Variants in NCOA2 observed in about 807,000 individuals in gnomAD.
NCOA2 encodes the protein nuclear receptor coactivator 2, also known as class E basic helix-loop-helix protein 75.
NCOA2 carries 21 observed loss-of-function variants against 145.1 expected under a neutral mutation model. The observed-to-expected ratio is 0.14, with a 90% CI of 0.10 to 0.21. NCOA2 has a LOEUF of 0.21. NCOA2 is among the 10% of genes least tolerant of loss of function. The pLI, the probability that NCOA2 is intolerant of heterozygous loss-of-function variation, is 1.00. For missense variants in NCOA2, 1,472 were observed against 1,837.6 expected, an observed-to-expected ratio of 0.80 and a Z score of 3.64; for synonymous variants, 619 against 637.5, an observed-to-expected ratio of 0.97 and a Z score of 0.44.
chr8:70,221,575 A>C (rs1820139589), intron 2 of NCOA2, among the ~76,000 whole-genome samples: 1 of 152,234 alleles, frequency 6.6e-6, no homozygotes, highest in Non-Finnish European at 1.5e-5. Flanking sequence ...TTGGGAAGTC[A>C]GTAAGATGAT....
intron 2 of NCOA2, chr8:70,245,462 A>G (rs970121927): frequency 6.6e-6 from 1 of 152,082 alleles, no homozygotes; most frequent in African/African-American, 2.4e-5. Context: ...TTATGATAAT[A>G]GACTGAGTAA....
chr8:70,157,227 A>G lies in NCOA2; in HGVS notation c.1138T>C (p.Cys380Arg). 6.4e-7 allele frequency: 1 copy of G among 1,551,512 alleles called. No individual in the cohort carries two copies. Among genetic ancestry groups the G allele is most frequent in the South Asian group, 1.2e-5 (1 of 81,706 alleles). Residue 380 changes from cysteine (C) to arginine (R), a missense_variant, in exon 11 of 23, where the codon TGT (cysteine) becomes CGT (arginine). Cys to Arg is a radical substitution (Grantham distance 180, BLOSUM62 -3). Coordinates refer to ENST00000452400, the MANE Select transcript of NCOA2 (RefSeq NM_006540.4). The stretch of plus-strand genomic sequence containing the variant: ...CCAGTCAGATCCGGATTCATCACAC[A>G]CACATTCTGCTCTCTGTATAACGAG... ...LHMLHREQNV[C>R]VMNPDLTGQT...
Position 70,111,745 on chromosome 8 carries a change from A to AT in NCOA2, c.*1886dup, listed in dbSNP as rs1197382858. The AT allele has an allele frequency of 4.6e-6, 1 of 218,006 alleles. No homozygotes were observed. The highest frequency in any genetic ancestry group is 2.2e-5 in the African/African-American group (1 of 44,498). 13.5% of individuals were successfully genotyped at this position (218,006 alleles called of 1,614,324 possible). On this transcript the variant is annotated 3_prime_UTR_variant, in exon 23 of 23. Transcript: ENST00000452400. The stretch of plus-strand genomic sequence containing the variant: ...ATAATGCGTACATATAGAGAGAGAT[A>AT]TAAGTATAAATAGGGGTAGTTTGTA...
At chr8:70,197,747 G>A (rs146193741) in intron 4 of NCOA2, among the ~76,000 whole-genome samples, 7 of 151,942 alleles carry the variant, frequency 4.6e-5, no homozygotes, top group Admixed American at 4.6e-4. Context: ...CCTTAAATGT[G>A]TTCTTTTTCT....
At chr8:70,143,351 AATTCCTGCAGAAG>A (rs1810675729) in intron 13 of NCOA2, among the ~76,000 whole-genome samples, 2 of 152,116 alleles carry the variant, frequency 1.3e-5, no homozygotes, top group African/African-American at 4.8e-5. Context: ...CCTATTCTCA[AATTCCTGCAGAAG>A]ATTCCTACAA....
chr8:70,257,101 G>A (rs908267430), intron 2 of NCOA2, among the ~76,000 whole-genome samples: 3 of 152,194 alleles, frequency 2.0e-5, no homozygotes, highest in African/African-American at 7.2e-5. Context: ...ATAGGGCTCA[G>A]AGAGAGGTCT....
chr8:70,188,149 C>T (rs1203484820), intron 4 of NCOA2, among the ~76,000 whole-genome samples: 3 of 152,106 alleles, frequency 2.0e-5, no homozygotes, highest in Non-Finnish European at 2.9e-5. Context: ...AGCCTGGACA[C>T]GAGGATGATG....
chr8:70,359,254 T>C (rs1391418104), intron 1 of NCOA2, among the ~76,000 whole-genome samples: 5 of 152,112 alleles, frequency 3.3e-5, no homozygotes, highest in South Asian at 2.1e-4. Flanking sequence ...TGTAGACAGA[T>C]AGTCAAACAA....
At chr8:70,414,312 C>G in the NCOA2 span, among the ~76,000 whole-genome samples, 1 of 152,182 alleles carries the variant, frequency 6.6e-6, no homozygotes, top group East Asian at 1.9e-4. Context: ...CCTCTTTCCT[C>G]TTCTCTCTCC....
At chr8:70,284,670 G>C (rs904026742) in intron 2 of NCOA2, among the ~76,000 whole-genome samples, 9 of 152,096 alleles carry the variant, frequency 5.9e-5, no homozygotes, top group Non-Finnish European at 1.2e-4. Context: ...ACAAATGAGG[G>C]AGAACGTGTG....
At chr8:70,364,824 GGTTT>G (rs1011895939) in intron 1 of NCOA2, among the ~76,000 whole-genome samples, 20 of 144,154 alleles carry the variant, frequency 1.4e-4, no homozygotes, top group East Asian at 2.5e-4. Flanking sequence ...AAAGTAAAAA[GGTTT>G]GTTTTTTTTT....
chr8:70,218,808 A>G (rs373301664), intron 2 of NCOA2, among the ~76,000 whole-genome samples: 1 of 152,216 alleles, frequency 6.6e-6, no homozygotes, highest in African/African-American at 2.4e-5. Context: ...GAAAGTTTCT[A>G]TCATTACAAT....
chr8:70,175,664 C>CAA (rs1814749891), intron 4 of NCOA2, among the ~76,000 whole-genome samples: 1 of 152,178 alleles, frequency 6.6e-6, no homozygotes, highest in South Asian at 2.1e-4. Flanking sequence ...GTAGTTATTT[C>CAA]AAGAACACCA....
chr8:70,246,298 T>C (rs941564397), intron 2 of NCOA2, among the ~76,000 whole-genome samples: 2 of 152,114 alleles, frequency 1.3e-5, no homozygotes, highest in South Asian at 4.1e-4. Context: ...TCTTAATCCA[T>C]GAAGCAAGCA....
At chr8:70,173,975 T>A (rs1442707924) in intron 5 of NCOA2, among the ~76,000 whole-genome samples, 1 of 152,200 alleles carries the variant, frequency 6.6e-6, no homozygotes, top group Non-Finnish European at 1.5e-5. Context: ...CATGCAGTCT[T>A]TTCAACCTCA....
chr8:70,439,124 AATACTGCCTT>A, the NCOA2 span, among the ~76,000 whole-genome samples: 1 of 152,188 alleles, frequency 6.6e-6, no homozygotes, highest in African/African-American at 2.4e-5. Flanking sequence ...TTCAATATAA[AATACTGCCTT>A]TTTTTCCTTT....
At chr8:70,222,009 CG>C (rs1490288590) in intron 2 of NCOA2, among the ~76,000 whole-genome samples, 1 of 151,994 alleles carries the variant, frequency 6.6e-6, no homozygotes, top group African/African-American at 2.4e-5. Context: ...GTCATCTTTA[CG>C]TAATACTGTA....
At chr8:70,241,846 C>T (rs995391586) in intron 2 of NCOA2, among the ~76,000 whole-genome samples, 3 of 152,104 alleles carry the variant, frequency 2.0e-5, no homozygotes, top group Admixed American at 2.0e-4. Context: ...AAAAGATAAG[C>T]TTTAAAACTA....
At chr8:70,201,817 C>T (rs1257243369) in intron 4 of NCOA2, among the ~76,000 whole-genome samples, 8 of 152,078 alleles carry the variant, frequency 5.3e-5, no homozygotes, top group Non-Finnish European at 7.4e-5. Context: ...ACATGAGAAA[C>T]GACTGAAATG....
Sources: gnomAD v4.1 joint callset for allele counts (sites outside exome capture counted in the v4.1 genomes callset) on GRCh38, gnomAD v4.1.1 for gene constraint, MANE v1.5 for transcripts, NCBI Gene and HGNC (gene_info 2026-07-23, HGNC 2026-07-21) for gene names.